MTHFD2L: variants seen among roughly 807,000 people sequenced by gnomAD.
MTHFD2L encodes bifunctional methylenetetrahydrofolate dehydrogenase/cyclohydrolase 2, mitochondrial.
MTHFD2L carries 29 observed loss-of-function variants against 34.9 expected under a neutral mutation model. That is an observed-to-expected ratio of 0.83 (90% CI 0.62 to 1.13). The LOEUF is 1.13. Among genes scored for constraint, MTHFD2L ranks in the 50% most tolerant of loss-of-function variants. The pLI is 0.00. For synonymous variants in MTHFD2L, 167 were observed against 155.7 expected (o/e 1.07, Z -0.54); for missense variants, 481 against 446.5 (o/e 1.08, Z -0.70).
intron 7 of MTHFD2L, chr4:74,293,481 G>GACCAC (rs752490725): frequency 8.6e-5 from 84 of 976,478 alleles, no homozygotes; most frequent in Non-Finnish European, 9.4e-5. Flanking sequence ...TTTCATTACT[G>GACCAC]ACCACAGGAT....
At chr4:74,283,588 C>T (rs1281169259) in intron 7 of MTHFD2L, among the ~76,000 whole-genome samples, 1 of 152,110 alleles carries the variant, frequency 6.6e-6, no homozygotes, top group Non-Finnish European at 1.5e-5. Flanking sequence ...ATATTAGTGG[C>T]TCCATTCAGC....
chr4:74,120,156 T>C (rs913461149), upstream of MTHFD2L, among the ~76,000 whole-genome samples: 1 of 152,212 alleles, frequency 6.6e-6, no homozygotes, highest in African/African-American at 2.4e-5. Context: ...TAAGGGTATA[T>C]GTCATGAACT....
chr4:74,239,132 A>G (rs927329401), intron 6 of MTHFD2L, among the ~76,000 whole-genome samples: 5 of 152,230 alleles, frequency 3.3e-5, no homozygotes, highest in African/African-American at 9.6e-5. Context: ...TGGCACATAT[A>G]CACCATGGAA....
At chr4:74,146,166 A>G (rs979882266) in intron 1 of MTHFD2L, among the ~76,000 whole-genome samples, 1 of 152,194 alleles carries the variant, frequency 6.6e-6, no homozygotes, top group Non-Finnish European at 1.5e-5. Flanking sequence ...TTTGTTCTTC[A>G]TTAAATTGGC....
intron 1 of MTHFD2L, among the ~76,000 whole-genome samples, chr4:74,170,336 G>T (rs1349286502): frequency 6.6e-6 from 1 of 152,154 alleles, no homozygotes; most frequent in Non-Finnish European, 1.5e-5. Flanking sequence ...AAATTGATCA[G>T]TTACCATATT....
chr4:74,247,883 A>T (rs1208734947), intron 6 of MTHFD2L, among the ~76,000 whole-genome samples: 1 of 152,094 alleles, frequency 6.6e-6, no homozygotes, highest in Non-Finnish European at 1.5e-5. Context: ...TCGGTTTGCC[A>T]GTATTTTATT....
At chr4:74,209,992 T>G (rs1327619107) in intron 5 of MTHFD2L, among the ~76,000 whole-genome samples, 1 of 152,242 alleles carries the variant, frequency 6.6e-6, no homozygotes, top group Non-Finnish European at 1.5e-5. Flanking sequence ...CATAAATGTC[T>G]TCTTTTAAAA....
chr4:74,220,561 G>A (rs1737992961), intron 5 of MTHFD2L, among the ~76,000 whole-genome samples: 1 of 151,658 alleles, frequency 6.6e-6, no homozygotes, highest in Admixed American at 6.6e-5. Context: ...CTATCCAAGG[G>A]CATAGTTTAT....
At chr4:74,154,399 A>C (rs926539713), upstream of MTHFD2L, among the ~76,000 whole-genome samples, 13 of 152,270 alleles carry the variant, frequency 8.5e-5, no homozygotes, top group Non-Finnish European at 1.5e-4. Context: ...CCTCCTTCAG[A>C]GTGGAGTATC....
chr4:74,289,359 G>C (rs189886056), intron 7 of MTHFD2L, among the ~76,000 whole-genome samples: 1 of 152,276 alleles, frequency 6.6e-6, no homozygotes, highest in East Asian at 1.9e-4. Context: ...AAGACCTTGA[G>C]GGGGGCCTGG....
intron 3 of MTHFD2L, among the ~76,000 whole-genome samples, chr4:74,190,798 A>G: frequency 6.6e-6 from 1 of 152,346 alleles, no homozygotes; most frequent in East Asian, 1.9e-4. Context: ...AAAATAAATC[A>G]TTGAGAGACT....
chr4:74,230,230 A>G (rs1377559701), intron 6 of MTHFD2L, among the ~76,000 whole-genome samples: 2 of 152,198 alleles, frequency 1.3e-5, no homozygotes, highest in African/African-American at 4.8e-5. Context: ...TATTCATGAA[A>G]GAGTAGTTCA....
intron 1 of MTHFD2L, chr4:74,143,402 G>T (rs1021286529): frequency 9.1e-6 from 9 of 985,310 alleles, no homozygotes; most frequent in Middle Eastern, 5.2e-4. Context: ...GGCTGGTGCA[G>T]CATGGAAACA....
intron 7 of MTHFD2L, among the ~76,000 whole-genome samples, chr4:74,301,220 ATACT>A (rs1330296728): frequency 1.3e-5 from 2 of 152,122 alleles, no homozygotes; most frequent in African/African-American, 4.8e-5. Context: ...ATATTTAGTG[ATACT>A]TACTAGACTT....
intron 6 of MTHFD2L, among the ~76,000 whole-genome samples, chr4:74,240,722 A>G (rs1741582288): frequency 6.6e-6 from 1 of 152,166 alleles, no homozygotes; most frequent in Admixed American, 6.6e-5. Context: ...TCTAAAATGT[A>G]TTGATTTCAT....
chr4:74,234,754 A>G (rs1445945995), intron 6 of MTHFD2L, among the ~76,000 whole-genome samples: 1 of 151,834 alleles, frequency 6.6e-6, no homozygotes, highest in Non-Finnish European at 1.5e-5. Context: ...AGATACATGT[A>G]TGTATGTATA....
intron 7 of MTHFD2L, among the ~76,000 whole-genome samples, chr4:74,296,259 T>G (rs561713459): frequency 6.6e-6 from 1 of 152,250 alleles, no homozygotes; most frequent in African/African-American, 2.4e-5. Flanking sequence ...TGAAGATCCA[T>G]CAAATGTTTA....
upstream of MTHFD2L, among the ~76,000 whole-genome samples, chr4:74,125,103 TG>T (rs1213472951): frequency 2.0e-5 from 3 of 152,156 alleles, no homozygotes; most frequent in African/African-American, 7.2e-5. Context: ...TCTGACATTT[TG>T]CAGAGTTAAA....
chr4:74,268,921 A>G (rs1745627070), intron 6 of MTHFD2L, among the ~76,000 whole-genome samples: 1 of 152,042 alleles, frequency 6.6e-6, no homozygotes, highest in South Asian at 2.1e-4. Flanking sequence ...TTTCTATGTT[A>G]CCTTTATTCG....
Sources: gnomAD v4.1 joint callset for allele counts (sites outside exome capture counted in the v4.1 genomes callset) on GRCh38, gnomAD v4.1.1 for gene constraint, MANE v1.5 for transcripts, NCBI Gene and HGNC (gene_info 2026-07-23, HGNC 2026-07-21) for gene names.